CLCNKA: variants seen among roughly 807,000 people sequenced by gnomAD.
CLCNKA encodes chloride voltage-gated channel Ka.
In CLCNKA, 66 loss-of-function variants were observed where a neutral mutation model predicts 83.3. The observed-to-expected ratio is 0.79, with a 90% CI of 0.65 to 0.97. The LOEUF is 0.97. Among genes scored for constraint, CLCNKA ranks in the 50% least tolerant of loss-of-function variants. CLCNKA has a pLI of 0.00. For missense variants in CLCNKA, 806 were observed against 888.7 expected (o/e 0.91, Z 1.18); for synonymous variants, 357 against 370.4 (o/e 0.96, Z 0.42).
chr1:16,026,941 G>A (rs1012332434), intron 7 of CLCNKA, 166 bp downstream of exon 7: 97 of 919,844 alleles, frequency 1.1e-4, no homozygotes, highest in Non-Finnish European at 1.5e-4. Context: ...GGCGGGGCGG[G>A]GCGGGTGGTT....
At chr1:16,028,634 C>A in intron 10 of CLCNKA, 127 bp from the exon 11 acceptor site, 1 of 1,195,234 alleles carries the variant, frequency 8.4e-7, no homozygotes, top group Non-Finnish European at 1.2e-6. Flanking sequence ...TTCCTCCTCA[C>A]CAGTCCTTGC....
In CLCNKA at chr1:16,032,277, G is replaced by A; in HGVS notation, c.1831G>A (p.Ala611Thr). The A allele has an allele frequency of 6.3e-7, 1 of 1,576,026 alleles. No individual in the cohort carries two copies. The highest frequency in any genetic ancestry group is 1.1e-5 in the South Asian group (1 of 90,494). The change falls in exon 17 of 20, where the codon GCT (alanine) becomes ACT (threonine). Residue 611 changes from alanine (A) to threonine (T), a missense_variant. By Grantham distance (58) the Ala-to-Thr change is moderately conservative (BLOSUM62 0). Coordinates refer to ENST00000331433, the MANE Select transcript of CLCNKA (RefSeq NM_004070.4). ...CCTCCAGGCTGAGCCTCCTTCCAGG[G>A]CTCCAGGACACCAGGTGGTTACTCC... ...QALQAEPPSR[A>T]PGHQQCLQDI...
At chr1:16,024,981 C>T (rs1281162175) in intron 4 of CLCNKA, 90 bp downstream of exon 4, 1 of 1,545,132 alleles carries the variant, frequency 6.5e-7, no homozygotes, top group Non-Finnish European at 8.9e-7. Context: ...GAAGCTGCAG[C>T]CTCATTTCTC....
Position 16,026,105 on chromosome 1 carries a change from A to G in CLCNKA, c.359-3A>G. ...CTGCTTGTTCCTGTCCTGTCTGGCT[A>G]AGGTTCTGGAATCCCGGAGCTGAAG... On this transcript the variant is annotated splice_region_variant and splice_polypyrimidine_tract_variant and intron_variant, in intron 4 of 19. Coordinates refer to ENST00000331433, the MANE Select transcript of CLCNKA (RefSeq NM_004070.4). The G allele has an allele frequency of 6.2e-7, 1 of 1,612,402 alleles. No homozygotes were observed. Among genetic ancestry groups the G allele is most frequent in the South Asian group, 1.1e-5 (1 of 90,996 alleles).
At chr1:16,031,968 G>C in intron 16 of CLCNKA, 125 bp downstream of exon 16, 5 of 1,523,032 alleles carry the variant, frequency 3.3e-6, no homozygotes, top group Non-Finnish European at 4.5e-6. Flanking sequence ...GTGTGACCTT[G>C]AGCAAGTCAC....
chr1:16,026,521 C>T lies in CLCNKA; in HGVS notation c.499-15C>T, dbSNP rs567139740. ...TCTCTGCTGCCCTCACCTGGGCCCA[C>T]CCTTCCCTCTGCAGGGCCCTTTCGT... On this transcript the variant is annotated splice_polypyrimidine_tract_variant and intron_variant, in intron 5 of 19. Coordinates refer to ENST00000331433, the MANE Select transcript of CLCNKA (RefSeq NM_004070.4). The T allele has an allele frequency of 6.2e-7, 1 of 1,613,848 alleles. No individual in the cohort carries two copies. The highest frequency in any genetic ancestry group is 1.1e-5 in the South Asian group (1 of 91,080).
intron 11 of CLCNKA, 57 bp downstream of exon 11, chr1:16,028,902 T>C: frequency 6.3e-7 from 1 of 1,587,866 alleles, no homozygotes; most frequent in Non-Finnish European, 8.6e-7. Flanking sequence ...TTTTCCCCTT[T>C]GCATGTGTCT....
chr1:16,030,819 C>T, intron 15 of CLCNKA, 145 bp downstream of exon 15: 1 of 1,147,286 alleles, frequency 8.7e-7, no homozygotes, highest in East Asian at 2.5e-5. Flanking sequence ...GCTGTGCTCT[C>T]ATCTCCACTC....
chr1:16,032,070 GTGCT>G lies in CLCNKA; in HGVS notation c.1757-130_1757-127del, dbSNP rs2022646280. On this transcript the variant is annotated intron_variant, in intron 16 of 19. Transcript: ENST00000331433. Reference sequence around the variant, plus strand: ...GACATGTCTAAAGAGAGTCGGCTGGGTGCTTGTAAGGCAGTCCCTGGGCAGCTGC... The same window carrying G: ...GACATGTCTAAAGAGAGTCGGCTGGGTGTAAGGCAGTCCCTGGGCAGCTGC... The G allele has an allele frequency of 3.3e-5, 38 of 1,161,870 alleles. No homozygotes were observed. The South Asian group carries it at 4.5e-4, about 14-fold the overall frequency. The allele number at this position is 1,161,870 out of a possible 1,614,324, so 72.0% of individuals were successfully genotyped here. A position where few individuals can be genotyped will look rare whatever the true frequency, so the allele number is the denominator to read the frequency against.
chr1:16,027,056 T>C (rs577620839), intron 7 of CLCNKA: 1 of 658,488 alleles, frequency 1.5e-6, no homozygotes, highest in African/African-American at 1.8e-5. Flanking sequence ...CTTCCTCCTC[T>C]GTAAAATGGG....
chr1:16,032,141 C>T (rs1200259189), intron 16 of CLCNKA, 62 bp from the exon 17 acceptor site: 2 of 1,500,764 alleles, frequency 1.3e-6, no homozygotes, highest in Non-Finnish European at 1.9e-6. Flanking sequence ...CTTCCGGAAG[C>T]TTGGCCCTCA....
At chr1:16,024,315 C>G (rs1388857308) in intron 3 of CLCNKA, among the ~76,000 whole-genome samples, 3 of 152,232 alleles carry the variant, frequency 2.0e-5, no homozygotes, top group Non-Finnish European at 4.4e-5. Context: ...TGAGGCCTCC[C>G]TGGAAGAGGG....
Position 16,030,184 on chromosome 1 carries a change from T to C in CLCNKA, c.1408+109T>C, listed in dbSNP as rs976087600. 10 of 826,876 alleles carry C rather than the reference T, an allele frequency of 1.2e-5. No homozygotes were observed. The African/African-American group carries it at 1.3e-4, about 11-fold the overall frequency. The allele number at this position is 826,876 out of a possible 1,614,324, so 51.2% of individuals were successfully genotyped here. A position where few individuals can be genotyped will look rare whatever the true frequency, so the allele number is the denominator to read the frequency against. On this transcript the variant is annotated intron_variant, in intron 14 of 19. Coordinates refer to ENST00000331433, the MANE Select transcript of CLCNKA (RefSeq NM_004070.4). ...ACGGAGCAGTCACTGAGTCCTCCAG[T>C]GAACCCCCTACCCCTCATGGGGGTC...
rs548408719 is a variant in CLCNKA at position 16,030,152 on chromosome 1, C to T, written c.1408+77C>T. 8.6e-4 allele frequency: 961 copies of T among 1,117,366 alleles called. 1 individual carries two copies. The highest frequency in any genetic ancestry group is 1.1e-3 in the Non-Finnish European group (857 of 751,092). The allele number at this position is 1,117,366 out of a possible 1,614,324, so 69.2% of individuals were successfully genotyped here. A position where few individuals can be genotyped will look rare whatever the true frequency, so the allele number is the denominator to read the frequency against. ...ACCTGGAGAATTGGCTGGTGGTTCC[C>T]CAGGGCACGGAGCAGTCACTGAGTC... On this transcript the variant is annotated intron_variant, in intron 14 of 19. Transcript: ENST00000331433.
chr1:16,030,975 C>T (rs1226561466), intron 15 of CLCNKA, among the ~76,000 whole-genome samples: 2 of 152,200 alleles, frequency 1.3e-5, no homozygotes, highest in Non-Finnish European at 2.9e-5. Context: ...GGTGCCGTGT[C>T]TTGCTCCAGG....
chr1:16,023,877 A>T lies in CLCNKA; in HGVS notation c.178A>T (p.Met60Leu), dbSNP rs768522148. The change falls in exon 3 of 20, where the codon ATG becomes TTG. Residue 60 changes from methionine (M) to leucine (L), a missense_variant. Coordinates refer to ENST00000331433, the MANE Select transcript of CLCNKA (RefSeq NM_004070.4). ...WYFLMTLGVLMALVSYAMNFA... is the reference protein window; with the variant it reads ...WYFLMTLGVLLALVSYAMNFA... The stretch of plus-strand genomic sequence containing the variant: ...CTTCCTGATGACCCTCGGGGTGCTC[A>T]TGGCCCTGGTCAGCTATGCCATGAA... The T allele has an allele frequency of 6.2e-7, 1 of 1,614,206 alleles. No individual in the cohort carries two copies. Among genetic ancestry groups the T allele is most frequent in the South Asian group, 1.1e-5 (1 of 91,088 alleles).
chr1:16,023,969 T>A, intron 3 of CLCNKA, 41 bp downstream of exon 3: 1 of 1,612,496 alleles, frequency 6.2e-7, no homozygotes, highest in Non-Finnish European at 8.5e-7. Flanking sequence ...GCCAAGGGAT[T>A]CTAGGCACGC....
rs1386642794 is a variant in CLCNKA at position 16,032,440 on chromosome 1, C to G, written c.1846-3C>G. On this transcript the variant is annotated splice_polypyrimidine_tract_variant and splice_region_variant and intron_variant, in intron 17 of 19. Transcript: ENST00000331433. ...TGCACCCATAACTCTTCCCCACTCCCAGCAGTGTCTCCAGGACATCTTGGC... is the reference window on the plus strand; with the variant it reads ...TGCACCCATAACTCTTCCCCACTCCGAGCAGTGTCTCCAGGACATCTTGGC... The G allele has an allele frequency of 6.2e-7, 1 of 1,611,886 alleles. No homozygotes were observed. The highest frequency in any genetic ancestry group is 1.3e-5 in the African/African-American group (1 of 74,920).
rs1312069154 is a variant in CLCNKA, at chr1:16,026,257, G to T, written c.498+10G>T. On this transcript the variant is annotated intron_variant, in intron 5 of 19. Transcript: ENST00000331433. ...GTTCCTGGGCAAAGTGGTATGGTCA[G>T]GTGTGAGGGCACCCCAGCCACCCCG... is the stretch of plus-strand genomic sequence containing the variant. 1 of 1,613,554 alleles carries T rather than the reference G, an allele frequency of 6.2e-7. No homozygotes were observed. Among genetic ancestry groups the T allele is most frequent in the Admixed American group, 1.7e-5 (1 of 60,008 alleles).
Sources: gnomAD v4.1 joint callset for allele counts (sites outside exome capture counted in the v4.1 genomes callset) on GRCh38, gnomAD v4.1.1 for gene constraint, MANE v1.5 for transcripts, NCBI Gene and HGNC (gene_info 2026-07-23, HGNC 2026-07-21) for gene names.